The following LZTR1 variants were observed in gnomAD, a reference collection of about 807,000 sequenced individuals.
The protein encoded by LZTR1 is leucine zipper like post translational regulator 1.
In LZTR1, 260 loss-of-function variants were observed where a neutral mutation model predicts 105.7. The observed-to-expected ratio is 2.46, with a 90% CI of 2.22 to 2.72. The LOEUF is 2.72. Ranked by LOEUF, LZTR1 falls within the 30% of genes most tolerant of loss-of-function variation. The probability of loss-of-function intolerance (pLI) is 0.00; values close to 1 mark genes in which losing one functional copy is unlikely to be tolerated. For missense variants in LZTR1, 1,214 were observed against 1,166.9 expected (o/e 1.04, Z -0.59); for synonymous variants, 490 against 476.4 (o/e 1.03, Z -0.37).
At position 20,996,708 on chromosome 22, in the gene LZTR1, G is replaced by T. The variant is rs139261473; in HGVS notation, c.2232G>T (p.Ala744=). 1.2e-6 allele frequency: 2 copies of T among 1,613,498 alleles called. No individual in the cohort carries two copies. Among genetic ancestry groups the T allele is most frequent in the South Asian group, 1.1e-5 (1 of 91,058 alleles). The change falls in exon 19 of 21, where the codon GCG becomes GCT. Residue 744 remains alanine (A), a synonymous_variant. Coordinates refer to ENST00000646124, the MANE Select transcript of LZTR1 (RefSeq NM_006767.4). ...MPPEDSLYLF[A]APYYYGFYNN... is the part of the protein sequence containing the mutation. ...AACCAGGCCCCAGCTACTTGTTTGC[G>T]GCCCCCTACTACTACGGCTTCTACA...
rs1277301038 is a variant in LZTR1, at chr22:20,997,616, A to C, written c.*268A>C. On this transcript the variant is annotated 3_prime_UTR_variant, in exon 21 of 21. Coordinates refer to ENST00000646124, the MANE Select transcript of LZTR1 (RefSeq NM_006767.4). Reference sequence around the variant, plus strand: ...CCTGGTGTAGTGTGGATGCGAGGCCACGGCTCAGTGATGGGCTCACCACCC... The same window carrying C: ...CCTGGTGTAGTGTGGATGCGAGGCCCCGGCTCAGTGATGGGCTCACCACCC... The C allele has an allele frequency of 8.0e-6, 3 of 376,542 alleles. No individual in the cohort carries two copies. The highest frequency in any genetic ancestry group is 2.1e-5 in the African/African-American group (1 of 48,480). The allele number at this position is 376,542 out of a possible 1,614,324, so 23.3% of individuals were successfully genotyped here. A position where few individuals can be genotyped will look rare whatever the true frequency, so the allele number is the denominator to read the frequency against.
In LZTR1 at chr22:20,994,271, T is replaced by C. The variant is rs1180748005; in HGVS notation, c.1615+2T>C. 2 of 1,597,150 alleles carry C rather than the reference T, an allele frequency of 1.3e-6. No homozygotes were observed. The highest frequency in any genetic ancestry group is 1.7e-6 in the Non-Finnish European group (2 of 1,178,908). ...ACAAGATCAAATACCCACGGAAAGGTCCGCCTGGGTGGGGGTGGAGCAGGG... is the reference window on the plus strand; with the variant it reads ...ACAAGATCAAATACCCACGGAAAGGCCCGCCTGGGTGGGGGTGGAGCAGGG... On this transcript the variant is annotated splice_donor_variant, in intron 14 of 20. Coordinates refer to ENST00000646124, the MANE Select transcript of LZTR1 (RefSeq NM_006767.4). LOFTEE classifies it high-confidence loss of function.
intron 20 of LZTR1, 67 bp downstream of exon 20, chr22:20,997,033 G>A (rs113328365): frequency 1.3e-6 from 2 of 1,544,992 alleles, no homozygotes; most frequent in Non-Finnish European, 1.8e-6. Flanking sequence ...AGGCAGGGAG[G>A]GTGCCCAGGC....
chr22:20,997,030 G>A, intron 20 of LZTR1, 64 bp downstream of exon 20: 1 of 1,559,664 alleles, frequency 6.4e-7, no homozygotes, highest in Non-Finnish European at 8.8e-7. Context: ...CCCAGGCAGG[G>A]AGGGTGCCCA....
At position 20,998,764 on chromosome 22, in the gene LZTR1, G is replaced by T. The variant is rs914428317; in HGVS notation, c.*1416G>T. ...GCTGGGGAGGATATGTCAGCACCTG[G>T]AAGTGGAGTGCAGGCTGCAGCGCCC... On this transcript the variant is annotated 3_prime_UTR_variant, in exon 21 of 21. Coordinates refer to ENST00000646124, the MANE Select transcript of LZTR1 (RefSeq NM_006767.4). The T allele has an allele frequency of 6.6e-6, 1 of 152,090 alleles. No individual in the cohort carries two copies. Among genetic ancestry groups the T allele is most frequent in the African/African-American group, 2.4e-5 (1 of 41,398 alleles). 9.4% of individuals were successfully genotyped at this position (152,090 alleles called of 1,614,324 possible).
Position 20,996,026 on chromosome 22 carries a change from G to A in LZTR1, c.2133G>A (p.Gly711=), listed in dbSNP as rs1160646922. ...ATGGGCAGGTGAACATCTCCATCGG[G>A]GAGATGGTGCCCAGCAGGCAGGCCT... ...PEDGQVNISI[G]EMVPSRQAFE... The change falls in exon 18 of 21, where the codon GGG becomes GGA. Residue 711 remains glycine (G), a synonymous_variant. Coordinates refer to ENST00000646124, the MANE Select transcript of LZTR1 (RefSeq NM_006767.4). 10 of 1,613,574 alleles carry A rather than the reference G, an allele frequency of 6.2e-6. No individual in the cohort carries two copies. The highest frequency in any genetic ancestry group is 1.6e-4 in the Middle Eastern group (1 of 6,084).
At position 20,997,707 on chromosome 22, in the gene LZTR1, G is replaced by A. The variant is rs924552551; in HGVS notation, c.*359G>A. On this transcript the variant is annotated 3_prime_UTR_variant, in exon 21 of 21. Transcript: ENST00000646124. ...TTGGCCTGGCTTCTGTGGCCTGGGC[G>A]TGTTGTGGACTCAGGCACTGGGGCC... The A allele has an allele frequency of 7.6e-5, 16 of 210,922 alleles. No homozygotes were observed. The highest frequency in any genetic ancestry group is 3.0e-4 in the African/African-American group (13 of 43,376). 13.1% of individuals were successfully genotyped at this position (210,922 alleles called of 1,614,324 possible).
intron 16 of LZTR1, chr22:20,995,460 G>A: frequency 1.5e-6 from 1 of 650,488 alleles, no homozygotes; most frequent in Admixed American, 2.1e-5. Flanking sequence ...CCATGCAGTG[G>A]GCCTGGAGGG....
In LZTR1 at chr22:20,988,730, G is replaced by A. The variant is rs1435680956; in HGVS notation, c.510-59G>A. The A allele has an allele frequency of 3.3e-5, 42 of 1,277,472 alleles. No individual in the cohort carries two copies. The Admixed American group carries it at 6.7e-4, about 20-fold the overall frequency. The allele number at this position is 1,277,472 out of a possible 1,614,324, so 79.1% of individuals were successfully genotyped here. A position where few individuals can be genotyped will look rare whatever the true frequency, so the allele number is the denominator to read the frequency against. ...GCCCCTGCACTGACCACATGGGGCT[G>A]GGTGGCTCAGGTCTGTGCTGGGCGG... is the stretch of plus-strand genomic sequence containing the variant. On this transcript the variant is annotated intron_variant, in intron 5 of 20. Transcript: ENST00000646124.
In LZTR1 at chr22:20,993,970, G is replaced by A. The variant is rs1464199103; in HGVS notation, c.1400G>A (p.Ser467Asn). ...QGHVAIVTAR[S>N]RWLRRKITQA... ...CACGTAGCCATTGTCACAGCGCGGAGCCGCTGGCTTCGCAGGAAGATCACG... is the reference window on the plus strand; with the variant it reads ...CACGTAGCCATTGTCACAGCGCGGAACCGCTGGCTTCGCAGGAAGATCACG... The change falls in exon 13 of 21, where the codon AGC (serine) becomes AAC (asparagine). Residue 467 changes from serine (S) to asparagine (N), a missense_variant. Ser to Asn is a conservative substitution (Grantham distance 46, BLOSUM62 1). Coordinates refer to ENST00000646124, the MANE Select transcript of LZTR1 (RefSeq NM_006767.4). 3 of 1,612,396 alleles carry A rather than the reference G, an allele frequency of 1.9e-6. No homozygotes were observed. Among genetic ancestry groups the A allele is most frequent in the Non-Finnish European group, 2.5e-6 (3 of 1,179,848 alleles).
rs766667772 is a variant in LZTR1, at chr22:20,994,616, G to A, written c.1674G>A (p.Gln558=). ...TGTACAAACTGGCACTGAGCTTCCA[G>A]TTGTGCCGCCTGGAGCAGCTGTGCC... The part of the protein sequence containing the change: ...MDVYKLALSF[Q]LCRLEQLCRQ... The change falls in exon 15 of 21, where the codon CAG becomes CAA. Residue 558 remains glutamine, a synonymous_variant. Coordinates refer to ENST00000646124, the MANE Select transcript of LZTR1 (RefSeq NM_006767.4). The A allele has an allele frequency of 6.2e-7, 1 of 1,612,708 alleles. No individual in the cohort carries two copies. The highest frequency in any genetic ancestry group is 8.5e-7 in the Non-Finnish European group (1 of 1,179,996).
At chr22:20,992,935 T>C (rs764807201) in intron 11 of LZTR1, 31 bp downstream of exon 11, 1 of 1,436,976 alleles carries the variant, frequency 7.0e-7, no homozygotes, top group Non-Finnish European at 9.6e-7. Flanking sequence ...TAGAGCCGGC[T>C]GGGTGGACGG....
At chr22:20,985,792 T>G (rs756035590) in intron 2 of LZTR1, 49 bp from the exon 3 acceptor site, 1 of 1,582,884 alleles carries the variant, frequency 6.3e-7, no homozygotes. Context: ...CTGGGGTCAC[T>G]GCAGAGTAGA....
Position 20,983,077 on chromosome 22 carries a change from G to C in LZTR1, c.251G>C (p.Gly84Ala), listed in dbSNP as rs771706016. ...TATAAAGATGCCATTTATGTATTTG[G>C]TGGAGACAATGGGTGAGTGAGTCTC... ...VAYKDAIYVFGGDNGKTMLND... is the reference protein window; with the variant it reads ...VAYKDAIYVFAGDNGKTMLND... Residue 84 changes from glycine to alanine, a missense_variant, in exon 2 of 21, where the codon GGT (glycine) becomes GCT (alanine). Transcript: ENST00000646124. 1 of 1,613,934 alleles carries C rather than the reference G, an allele frequency of 6.2e-7. No homozygotes were observed. Among genetic ancestry groups the C allele is most frequent in the Non-Finnish European group, 8.5e-7 (1 of 1,179,914 alleles).
intron 2 of LZTR1, among the ~76,000 whole-genome samples, chr22:20,985,208 C>G (rs1004082843): frequency 2.6e-5 from 4 of 151,974 alleles, no homozygotes; most frequent in Non-Finnish European, 5.9e-5. Context: ...CAGGCGCCTG[C>G]CACCATGCCA....
At chr22:20,987,973 C>T in intron 4 of LZTR1, 37 bp from the exon 5 acceptor site, 1 of 1,249,564 alleles carries the variant, frequency 8.0e-7, no homozygotes, top group Non-Finnish European at 1.2e-6. Flanking sequence ...CCAAGACTGC[C>T]CTTTGGGTTT....
At chr22:20,986,026 C>T (rs1769414062) in intron 3 of LZTR1, 129 bp downstream of exon 3, 1 of 978,288 alleles carries the variant, frequency 1.0e-6, no homozygotes, top group Non-Finnish European at 1.5e-6. Context: ...GAGGAGATAA[C>T]CACGGCCTCA....
chr22:20,990,249 C>T, intron 7 of LZTR1, 137 bp from the exon 8 acceptor site: 1 of 1,015,306 alleles, frequency 9.8e-7, no homozygotes, highest in Non-Finnish European at 1.5e-6. Flanking sequence ...ATGAGCTGTT[C>T]CAAGACAAAG....
At chr22:20,993,306 G>C in intron 11 of LZTR1, 1 of 450,486 alleles carries the variant, frequency 2.2e-6, no homozygotes, top group South Asian at 2.7e-5. Context: ...GTCAGGGCCA[G>C]CTTCCTGGAG....
Sources: allele counts gnomAD v4.1 joint callset (sites outside exome capture counted in the v4.1 genomes callset), GRCh38; gene constraint gnomAD v4.1.1; transcripts MANE v1.5; gene names NCBI Gene and HGNC (gene_info 2026-07-23, HGNC 2026-07-21).